Variants in ZNF142 observed in about 807,000 individuals in gnomAD.
The protein encoded by ZNF142 is zinc finger protein 142.
A neutral mutation model predicts 132.1 loss-of-function variants in ZNF142; 96 were observed. That is an observed-to-expected ratio of 0.73 (90% CI 0.62 to 0.86). The LOEUF is 0.86. ZNF142 is among the 40% of genes least tolerant of loss of function. The pLI is 0.00. For synonymous variants in ZNF142, 842 were observed against 890.1 expected, an observed-to-expected ratio of 0.95 and a Z score of 0.96; for missense variants, 2,163 against 2,336.2, an observed-to-expected ratio of 0.93 and a Z score of 1.53.
In ZNF142 at chr2:218,635,872, A is replaced by C. The variant is rs1295749346; in HGVS notation, c.*2467T>G. 1 of 1,614,032 alleles carries C rather than the reference A, an allele frequency of 6.2e-7. No individual in the cohort carries two copies. Among genetic ancestry groups the C allele is most frequent in the Admixed American group, 1.7e-5 (1 of 60,022 alleles). ...ATTGTGGATCCACTGGTGAAAGTGC[A>C]GATCTTTGGCGTTCGTCTAGACACA... On this transcript the variant is annotated 3_prime_UTR_variant, in exon 11 of 11. Coordinates refer to ENST00000411696, the MANE Select transcript of ZNF142 (RefSeq NM_001379659.1).
chr2:218,640,918 T>A, intron 9 of ZNF142, 149 bp from the exon 10 acceptor site: 1 of 645,814 alleles, frequency 1.5e-6, no homozygotes. Context: ...ATCTTCAGTT[T>A]ACTTGCTAGG....
Position 218,642,551 on chromosome 2 carries a change from T to C in ZNF142, c.4565A>G (p.Glu1522Gly). The change falls in exon 9 of 11, where the codon GAG (glutamate) becomes GGG (glycine). Residue 1522 changes from glutamate to glycine, a missense_variant. By Grantham distance (98) the Glu-to-Gly change is moderately conservative. Transcript: ENST00000411696. This position sits in a 1 kb window ranked among gnomAD's most constrained non-coding sequence, Gnocchi z 4.6. Reference protein sequence around the residue: ...PAQPAPGSPAETTEGPLHCSR... With the variant: ...PAQPAPGSPAGTTEGPLHCSR... ...ACAGTGCAGGGGGCCCTCAGTGGTC[T>C]CTGCAGGAGAGCCAGGGGCAGGCTG... 6.2e-7 allele frequency: 1 copy of C among 1,612,270 alleles called. No homozygotes were observed.
In ZNF142 at chr2:218,638,729, C is replaced by G. The variant is rs752126586; in HGVS notation, c.5274G>C (p.Arg1758=). The change falls in exon 11 of 11, where the codon CGG becomes CGC. Residue 1758 remains arginine (R), a synonymous_variant. Coordinates refer to ENST00000411696, the MANE Select transcript of ZNF142 (RefSeq NM_001379659.1). ...ADALRVHQET[R]HREARAFMCE... ...ACATGAAAGCCCGTGCTTCTCGATG[C>G]CGGGTCTCCTGGTGCACACGCAGTG... is the stretch of plus-strand genomic sequence containing the variant. The G allele has an allele frequency of 6.2e-7, 1 of 1,613,528 alleles. No homozygotes were observed. Among genetic ancestry groups the G allele is most frequent in the Admixed American group, 1.7e-5 (1 of 60,024 alleles).
At position 218,642,508 on chromosome 2, in the gene ZNF142, C is replaced by T; in HGVS notation, c.4608G>A (p.Leu1536=). The T allele has an allele frequency of 6.2e-7, 1 of 1,606,962 alleles. No individual in the cohort carries two copies. The highest frequency in any genetic ancestry group is 8.5e-7 in the Non-Finnish European group (1 of 1,175,716). The change falls in exon 9 of 11, where the codon CTG becomes CTA. Residue 1536 remains leucine, a synonymous_variant. Transcript: ENST00000411696. The surrounding 1 kb of genome is among the most constrained non-coding windows in gnomAD (Gnocchi z 4.6). The part of the protein sequence containing the change: ...GPLHCSRCGL[L]CPSPASLRGH... ...CTCGTAAGCTGGCAGGGCTGGGGCA[C>T]AGCAACCCACAGCGGGAACAGTGCA...
rs375820952 is a variant in ZNF142 at position 218,648,922 on chromosome 2, G to A, written c.1586C>T (p.Thr529Ile). The change falls in exon 7 of 11, where the codon ACA (threonine) becomes ATA (isoleucine). Residue 529 changes from threonine (T) to isoleucine (I), a missense_variant. This residue lies in a region of ZNF142 where 749 missense variants were observed against 830.3 expected (regional missense o/e 0.90). Coordinates refer to ENST00000411696, the MANE Select transcript of ZNF142 (RefSeq NM_001379659.1). The stretch of plus-strand genomic sequence containing the variant: ...GTGGTGGGCCTCCATGGCTTCGGCT[G>A]TGGCAAAGAGCATGGGACATGAGTG... ...RHHSCPMLFA[T>I]AEAMEAHHKS... 1.9e-6 allele frequency: 3 copies of A among 1,613,784 alleles called. No individual in the cohort carries two copies. Among genetic ancestry groups the A allele is most frequent in the South Asian group, 1.1e-5 (1 of 91,088 alleles).
intron 7 of ZNF142, 118 bp downstream of exon 7, chr2:218,648,517 T>C: frequency 1.1e-6 from 1 of 952,046 alleles, no homozygotes. Context: ...AAACTTGGAA[T>C]GCTAGATCTA....
At chr2:218,651,538 C>T (rs952368949) in intron 5 of ZNF142, among the ~76,000 whole-genome samples, 163 bp downstream of exon 5, 1 of 152,260 alleles carries the variant, frequency 6.6e-6, no homozygotes, top group Non-Finnish European at 1.5e-5. Context: ...CCAACTGTTT[C>T]AAGATGCCTT....
Position 218,635,959 on chromosome 2 carries a change from G to C in ZNF142, c.*2380C>G. 6.2e-7 allele frequency: 1 copy of C among 1,613,838 alleles called. No homozygotes were observed. Among genetic ancestry groups the C allele is most frequent in the Non-Finnish European group, 8.5e-7 (1 of 1,179,774 alleles). On this transcript the variant is annotated 3_prime_UTR_variant, in exon 11 of 11. Coordinates refer to ENST00000411696, the MANE Select transcript of ZNF142 (RefSeq NM_001379659.1). Reference sequence around the variant, plus strand: ...GAGAAACTGGCAGTGCTGGGGAGGTGGGGGTAGGAGCATGATTAGTTTTCC... The same window carrying C: ...GAGAAACTGGCAGTGCTGGGGAGGTCGGGGTAGGAGCATGATTAGTTTTCC...
chr2:218,647,186 G>A (rs1697807621), intron 7 of ZNF142, among the ~76,000 whole-genome samples: 1 of 151,942 alleles, frequency 6.6e-6, no homozygotes, highest in Non-Finnish European at 1.5e-5. Context: ...CATTTTGGGA[G>A]GTCGAGGCAG....
intron 7 of ZNF142, among the ~76,000 whole-genome samples, chr2:218,646,622 C>T (rs561095829): frequency 6.6e-6 from 1 of 152,098 alleles, no homozygotes; most frequent in South Asian, 2.1e-4. Flanking sequence ...CTCAATCTGT[C>T]GCCCAGGCTG....
chr2:218,643,801 G>A lies in ZNF142; in HGVS notation c.3315C>T (p.Pro1105=). The change falls in exon 9 of 11, where the codon CCC becomes CCT. Residue 1105 remains proline (P), a synonymous_variant. Transcript: ENST00000411696. ...CTGGGAGCACAGGTTGCAGAGGGAT[G>A]GGTGAATCTGGTCTGGGCAAGCCCT... ...KNKGLPRPDS[P]IPLQPVLPGT... is the part of the protein sequence containing the mutation. 6.2e-7 allele frequency: 1 copy of A among 1,611,530 alleles called. No individual in the cohort carries two copies. The highest frequency in any genetic ancestry group is 8.5e-7 in the Non-Finnish European group (1 of 1,178,390).
rs369379625 is a variant in ZNF142, at chr2:218,643,928, C to A, written c.3188G>T (p.Arg1063Leu). The A allele has an allele frequency of 6.2e-7, 1 of 1,614,082 alleles. No homozygotes were observed. Among genetic ancestry groups the A allele is most frequent in the South Asian group, 1.1e-5 (1 of 91,080 alleles). ...LHSRTGCQGR[R>L]EPLLCPECGA... is the part of the protein sequence containing the mutation. ...ACACTCGGGGCACAGCAGGGGCTCT[C>A]GGCGGCCTTGGCACCCAGTCCTGGA... is the stretch of plus-strand genomic sequence containing the variant. Residue 1063 changes from arginine (R) to leucine (L), a missense_variant, in exon 9 of 11, where the codon CGA becomes CTA. Physicochemically the swap from Arg to Leu is moderately radical, Grantham distance 102. Around this residue, in one of 7 missense-constraint regions of ZNF142, gnomAD observed 809 missense variants for 801.7 expected, o/e 1.01. Coordinates refer to ENST00000411696, the MANE Select transcript of ZNF142 (RefSeq NM_001379659.1).
At position 218,646,107 on chromosome 2, in the gene ZNF142, C is replaced by G. The variant is rs556805742; in HGVS notation, c.2051+64G>C. On this transcript the variant is annotated intron_variant, in intron 8 of 10. Transcript: ENST00000411696. ...AAGAAATAGGGCCAGAAGTTAGATC[C>G]GAGAGGAAGCTAGCTTGGCTAAGAT... 1.5e-5 allele frequency: 23 copies of G among 1,571,742 alleles called. No individual in the cohort carries two copies. In the Admixed American group the frequency reaches 3.6e-4, roughly 25 times the overall value.
chr2:218,658,490 G>A (rs913809643), intron 3 of ZNF142, among the ~76,000 whole-genome samples: 3 of 151,942 alleles, frequency 2.0e-5, no homozygotes, highest in Non-Finnish European at 2.9e-5. Flanking sequence ...GCAGTGAGCC[G>A]AGATCGCACC....
Position 218,643,643 on chromosome 2 carries a change from G to A in ZNF142, c.3473C>T (p.Thr1158Ile), listed in dbSNP as rs1408618262. The change falls in exon 9 of 11, where the codon ACA becomes ATA. Residue 1158 changes from threonine (T) to isoleucine (I), a missense_variant. Thr to Ile is a moderately conservative substitution (Grantham distance 89). Transcript: ENST00000411696. ...AGGAGGGACTGGGGAACCAGAGACT[G>A]TGGCAAGAGGCTCTTCTGTTTCTTC... ...EPEETEEPLA[T>I]VSGSPVPPAG... The A allele has an allele frequency of 1.1e-5, 17 of 1,550,290 alleles. No individual in the cohort carries two copies. Among genetic ancestry groups the A allele is most frequent in the Non-Finnish European group, 1.5e-5 (17 of 1,151,842 alleles).
Position 218,642,044 on chromosome 2 carries a change from TCAGCA to T in ZNF142, c.5067_5071del (p.Cys1689Ter), listed in dbSNP as rs749489806. The T allele has an allele frequency of 6.2e-7, 1 of 1,613,990 alleles. No homozygotes were observed. The highest frequency in any genetic ancestry group is 8.5e-7 in the Non-Finnish European group (1 of 1,179,876). On this transcript the variant is annotated stop_gained and frameshift_variant, in exon 9 of 11. Coordinates refer to ENST00000411696, the MANE Select transcript of ZNF142 (RefSeq NM_001379659.1). LOFTEE classifies it high-confidence loss of function. The surrounding 1 kb of genome is among the most constrained non-coding windows in gnomAD (Gnocchi z 4.6). Reference sequence around the variant, plus strand: ...TGACATTACCTTGAGACGAGAGGGATCAGCACAGGCATAGGGGCAGAGGTGACAGT... The same window carrying T: ...TGACATTACCTTGAGACGAGAGGGATCAGGCATAGGGGCAGAGGTGACAGT...
intron 3 of ZNF142, among the ~76,000 whole-genome samples, chr2:218,657,801 C>A (rs182398374): frequency 6.6e-6 from 1 of 152,340 alleles, no homozygotes; most frequent in African/African-American, 2.4e-5. Flanking sequence ...CTATCAGAAA[C>A]GAGGTCACAC....
Position 218,648,652 on chromosome 2 carries a change from T to C in ZNF142, c.1856A>G (p.His619Arg), listed in dbSNP as rs754049719. ...ATAHKRVLIR[H>R]MLLHTGEKPH... is the part of the protein sequence containing the mutation. ...CATCCTACCCGTATGTAGAAGCATGTGTCGGATGAGCACCCTCTTGTGGGC... is the reference window on the plus strand; with the variant it reads ...CATCCTACCCGTATGTAGAAGCATGCGTCGGATGAGCACCCTCTTGTGGGC... The change falls in exon 7 of 11, where the codon CAC (histidine) becomes CGC (arginine). Residue 619 changes from histidine (H) to arginine (R), a missense_variant. By Grantham distance (29) the His-to-Arg change is conservative (BLOSUM62 0). Transcript: ENST00000411696. The C allele has an allele frequency of 1.9e-6, 3 of 1,613,510 alleles. No individual in the cohort carries two copies. Among genetic ancestry groups the C allele is most frequent in the Non-Finnish European group, 2.5e-6 (3 of 1,179,400 alleles).
intron 4 of ZNF142, among the ~76,000 whole-genome samples, chr2:218,653,006 T>C (rs567218003): frequency 1.3e-4 from 20 of 151,432 alleles, no homozygotes; most frequent in African/African-American, 4.8e-4. Context: ...CAGGGCCAGG[T>C]GCAGTGGCTC....
Sources: gnomAD v4.1 joint callset for allele counts (sites outside exome capture counted in the v4.1 genomes callset) on GRCh38, gnomAD v4.1.1 for gene constraint, gnomAD v4.1.1 regional missense constraint, Gnocchi (gnomAD v3.1) non-coding constraint, MANE v1.5 for transcripts, NCBI Gene and HGNC (gene_info 2026-07-23, HGNC 2026-07-21) for gene names.